Variants in ITIH3 observed in about 807,000 individuals in gnomAD.
The protein encoded by ITIH3 is inter-alpha-trypsin inhibitor heavy chain 3, also known as inter-alpha-trypsin inhibitor heavy chain H3.
ITIH3 carries 81 observed loss-of-function variants against 96.5 expected under a neutral mutation model. The ratio of observed to expected loss-of-function variants is 0.84; its 90% confidence interval spans 0.70 to 1.01. The LOEUF (loss-of-function observed/expected upper bound fraction) is 1.01. Ranked by LOEUF, ITIH3 falls within the 50% of genes least tolerant of loss-of-function variation. The pLI is 0.00. For missense variants in ITIH3, 1,057 were observed against 1,139.3 expected (o/e 0.93, Z 1.04); for synonymous variants, 422 against 445.2 (o/e 0.95, Z 0.66).
At chr3:52,800,090 T>C (rs1699764666) in intron 9 of ITIH3, among the ~76,000 whole-genome samples, 169 bp downstream of exon 9, 1 of 152,198 alleles carries the variant, frequency 6.6e-6, no homozygotes, top group Non-Finnish European at 1.5e-5. Context: ...GAATATCGGC[T>C]GTCTTCTCCG....
chr3:52,806,971 CT>C lies in ITIH3; in HGVS notation c.2130del (p.Phe710LeufsTer17). The C allele has an allele frequency of 1.3e-6, 2 of 1,594,716 alleles. No individual in the cohort carries two copies. The highest frequency in any genetic ancestry group is 8.5e-7 in the Non-Finnish European group (1 of 1,170,720). On this transcript the variant is annotated frameshift_variant, in exon 19 of 22. Coordinates refer to ENST00000449956, the MANE Select transcript of ITIH3 (RefSeq NM_002217.4). LOFTEE classifies it high-confidence loss of function. ...SPDSKTRKTY[F>X]GKLGIANAQM... Reference sequence around the variant, plus strand: ...CTGACTCCAAGACCAGAAAGACTTACTTTGGAAAACTGGGCATCGCCAATGC... The same window carrying C: ...CTGACTCCAAGACCAGAAAGACTTACTTGGAAAACTGGGCATCGCCAATGC...
intron 10 of ITIH3, 89 bp downstream of exon 10, chr3:52,800,752 G>A (rs978017211): frequency 4.6e-6 from 7 of 1,533,026 alleles, no homozygotes; most frequent in African/African-American, 2.7e-5. Flanking sequence ...AAAACCTGGG[G>A]CAGCTCTTCC....
Position 52,806,943 on chromosome 3 carries a change from G to C in ITIH3, c.2099G>C (p.Ser700Thr). 1 of 1,592,722 alleles carries C rather than the reference G, an allele frequency of 6.3e-7. No homozygotes were observed. The highest frequency in any genetic ancestry group is 8.5e-7 in the Non-Finnish European group (1 of 1,169,616). The change falls in exon 19 of 22, where the codon AGC becomes ACC. Residue 700 changes from serine (S) to threonine (T), a missense_variant. Coordinates refer to ENST00000449956, the MANE Select transcript of ITIH3 (RefSeq NM_002217.4). ...NGQITGDKRG[S>T]PDSKTRKTYF... is the part of the protein sequence containing the mutation. ...CAGATCACTGGCGACAAGAGAGGCA[G>C]CCCTGACTCCAAGACCAGAAAGACT...
At position 52,804,024 on chromosome 3, in the gene ITIH3, G is replaced by A; in HGVS notation, c.1864+15G>A. On this transcript the variant is annotated intron_variant, in intron 14 of 21. Coordinates refer to ENST00000449956, the MANE Select transcript of ITIH3 (RefSeq NM_002217.4). ...GCCTGGGGAAGGTGGGGATAGGGATGGAGGCCGGAACCCGGAGGCCTCCTG... is the reference window on the plus strand; with the variant it reads ...GCCTGGGGAAGGTGGGGATAGGGATAGAGGCCGGAACCCGGAGGCCTCCTG... 6.2e-7 allele frequency: 1 copy of A among 1,609,450 alleles called. No individual in the cohort carries two copies. Among genetic ancestry groups the A allele is most frequent in the Non-Finnish European group, 8.5e-7 (1 of 1,177,962 alleles).
In ITIH3 at chr3:52,795,644, G is replaced by A. The variant is rs187701014; in HGVS notation, c.114+21G>A. 2.4e-5 allele frequency: 38 copies of A among 1,609,912 alleles called. No homozygotes were observed. The Admixed American group carries it at 4.9e-4, about 21-fold the overall frequency. On this transcript the variant is annotated intron_variant, in intron 2 of 21. Coordinates refer to ENST00000449956, the MANE Select transcript of ITIH3 (RefSeq NM_002217.4). Reference sequence around the variant, plus strand: ...AAGGGGTAAGAACTTTCACCAGGGGGTGGGACCGAGTGGGGCAGGGCAGGA... The same window carrying A: ...AAGGGGTAAGAACTTTCACCAGGGGATGGGACCGAGTGGGGCAGGGCAGGA...
In ITIH3 at chr3:52,800,059, T is replaced by C. The variant is rs554073133; in HGVS notation, c.1075+138T>C. 11 of 753,686 alleles carry C rather than the reference T, an allele frequency of 1.5e-5. No individual in the cohort carries two copies. The South Asian group carries it at 2.1e-4, about 15-fold the overall frequency. The allele number at this position is 753,686 out of a possible 1,614,324, so 46.7% of individuals were successfully genotyped here. A position where few individuals can be genotyped will look rare whatever the true frequency, so the allele number is the denominator to read the frequency against. On this transcript the variant is annotated intron_variant, in intron 9 of 21. Transcript: ENST00000449956. ...GAGCTGGGGTAGAGGTGGGAGTGGA[T>C]GGTCCTCAGGCTTGAAGACAGAATA...
Position 52,807,734 on chromosome 3 carries a change from C to T in ITIH3, c.2262-13C>T, listed in dbSNP as rs761517104. The T allele has an allele frequency of 2.5e-6, 4 of 1,602,334 alleles. No homozygotes were observed. The highest frequency in any genetic ancestry group is 3.4e-6 in the Non-Finnish European group (4 of 1,174,280). On this transcript the variant is annotated splice_polypyrimidine_tract_variant and intron_variant, in intron 19 of 21. Transcript: ENST00000449956. ...ACTGGGCCCCACAGCCACTTTCTGG[C>T]TTCCTCTCGTAGGCTGTCCATGATG...
intron 19 of ITIH3, 111 bp from the exon 20 acceptor site, chr3:52,807,636 T>C: frequency 1.0e-6 from 1 of 957,030 alleles, no homozygotes; most frequent in South Asian, 1.7e-5. Context: ...CTGGAGTCTG[T>C]GGGCCCTCGG....
intron 13 of ITIH3, among the ~76,000 whole-genome samples, chr3:52,803,130 G>A (rs1699899193): frequency 6.6e-6 from 1 of 152,236 alleles, no homozygotes; most frequent in Non-Finnish European, 1.5e-5. Flanking sequence ...AGTGCCCAGA[G>A]GGCAGAGCTG....
Position 52,808,709 on chromosome 3 carries a change from G to T in ITIH3, c.*28G>T. ...AGACACACCAGCTCCTGTTGGGATG[G>T]ATGGCCCGGATTTTATGGCATCTGG... On this transcript the variant is annotated 3_prime_UTR_variant, in exon 22 of 22. Transcript: ENST00000449956. 6.3e-7 allele frequency: 1 copy of T among 1,591,114 alleles called. No homozygotes were observed. Among genetic ancestry groups the T allele is most frequent in the Non-Finnish European group, 8.6e-7 (1 of 1,160,798 alleles).
chr3:52,801,041 C>T lies in ITIH3; in HGVS notation c.1278C>T (p.Gly426=). 6.2e-7 allele frequency: 1 copy of T among 1,613,924 alleles called. No individual in the cohort carries two copies. The highest frequency in any genetic ancestry group is 8.5e-7 in the Non-Finnish European group (1 of 1,179,846). Reference sequence around the variant, plus strand: ...GCAAGTTCCCCTTGTATAACCTGGGCTTTGGCAACAATCTGAATTATAACT... The same window carrying T: ...GCAAGTTCCCCTTGTATAACCTGGGTTTTGGCAACAATCTGAATTATAACT... ...IGGKFPLYNL[G]FGNNLNYNFL... The change falls in exon 11 of 22, where the codon GGC becomes GGT. Residue 426 remains glycine, a synonymous_variant. Transcript: ENST00000449956.
intron 19 of ITIH3, 97 bp downstream of exon 19, chr3:52,807,202 G>A (rs1348163405): frequency 3.8e-6 from 4 of 1,066,418 alleles, no homozygotes; most frequent in Non-Finnish European, 5.5e-6. Flanking sequence ...GGAGATCCAT[G>A]GGGGTCACAG....
At chr3:52,804,825 G>A (rs770288504) in intron 15 of ITIH3, 91 bp downstream of exon 15, 62 of 1,393,490 alleles carry the variant, frequency 4.4e-5, no homozygotes, top group Non-Finnish European at 5.8e-5. Context: ...AGGACCCCCA[G>A]CCATGGGGGC....
Position 52,794,906 on chromosome 3 carries a change from C to T in ITIH3, c.93+10C>T, listed in dbSNP as rs567756674. 4.4e-6 allele frequency: 7 copies of T among 1,608,542 alleles called. No homozygotes were observed. The highest frequency in any genetic ancestry group is 6.0e-6 in the Non-Finnish European group (7 of 1,175,292). On this transcript the variant is annotated intron_variant, in intron 1 of 21. Coordinates refer to ENST00000449956, the MANE Select transcript of ITIH3 (RefSeq NM_002217.4). The stretch of plus-strand genomic sequence containing the variant: ...CTTTCGGCTGCTTGGGGTGAGTCTG[C>T]CCCCTCTTTGCCATCTGGGTCTTGG...
chr3:52,797,396 G>A, intron 5 of ITIH3, 129 bp downstream of exon 5: 1 of 1,014,028 alleles, frequency 9.9e-7, no homozygotes, highest in Non-Finnish European at 1.4e-6. Flanking sequence ...TGGCTGGGAA[G>A]GCTGGAGGAA....
At chr3:52,798,425 C>T (rs780800236) in intron 6 of ITIH3, 4 of 170,194 alleles carry the variant, frequency 2.4e-5, no homozygotes, top group African/African-American at 4.8e-5. Flanking sequence ...ACTTCCAGGG[C>T]GAGGCCCGAG....
intron 4 of ITIH3, 113 bp from the exon 5 acceptor site, chr3:52,796,992 G>A: frequency 7.5e-7 from 1 of 1,341,604 alleles, no homozygotes; most frequent in Non-Finnish European, 1.0e-6. Flanking sequence ...GGCAAGTGAG[G>A]CTCAGAATGG....
chr3:52,797,132 C>A lies in ITIH3; in HGVS notation c.414C>A (p.Phe138Leu). ...VKASGRKLEKFTVSVNVAAGS... is the reference protein window; with the variant it reads ...VKASGRKLEKLTVSVNVAAGS... Reference sequence around the variant, plus strand: ...CCTCTGGGAGGAAGTTGGAGAAGTTCACAGTCTCGGTCAACGTGGCTGCAG... The same window carrying A: ...CCTCTGGGAGGAAGTTGGAGAAGTTAACAGTCTCGGTCAACGTGGCTGCAG... Residue 138 changes from phenylalanine (F) to leucine (L), a missense_variant, in exon 5 of 22, where the codon TTC becomes TTA. Coordinates refer to ENST00000449956, the MANE Select transcript of ITIH3 (RefSeq NM_002217.4). 1 of 1,609,776 alleles carries A rather than the reference C, an allele frequency of 6.2e-7. No individual in the cohort carries two copies. The highest frequency in any genetic ancestry group is 1.1e-5 in the South Asian group (1 of 89,930).
rs770475192 is a variant in ITIH3, at chr3:52,799,458, C to T, written c.876C>T (p.Ser292=). 52 of 1,612,470 alleles carry T rather than the reference C, an allele frequency of 3.2e-5. No individual in the cohort carries two copies. The East Asian group carries it at 7.1e-4, about 22-fold the overall frequency. Residue 292 remains serine (S), a synonymous_variant, in exon 8 of 22, where the codon AGC becomes AGT. Transcript: ENST00000449956. ...ACGTGGCCTTTGTGATTGACATCAG[C>T]GGCTCCATGGCTGGTCGGAAATTAG... ...PKNVAFVIDI[S]GSMAGRKLEQ... is the part of the protein sequence containing the mutation.
Sources: gnomAD v4.1 joint callset for allele counts (sites outside exome capture counted in the v4.1 genomes callset) on GRCh38, gnomAD v4.1.1 for gene constraint, MANE v1.5 for transcripts, NCBI Gene and HGNC (gene_info 2026-07-23, HGNC 2026-07-21) for gene names.